The following GNB5 variants were observed in gnomAD, a reference collection of about 807,000 sequenced individuals.
The protein encoded by GNB5 is G protein subunit beta 5.
Under a neutral mutation model 55.3 loss-of-function variants are expected in GNB5, and 37 were observed. The ratio of observed to expected loss-of-function variants is 0.67; its 90% CI spans 0.51 to 0.88. The LOEUF (loss-of-function observed/expected upper bound fraction) is 0.88, where lower values mean the gene tolerates loss of function less well. GNB5 is among the 40% of genes least tolerant of loss of function. The probability of loss-of-function intolerance (pLI) is 0.00; values close to 1 mark genes in which losing one functional copy is unlikely to be tolerated. For missense variants in GNB5, 476 were observed against 515.3 expected, an observed-to-expected ratio of 0.92 and a Z score of 0.74; for synonymous variants, 219 against 198.5, an observed-to-expected ratio of 1.10 and a Z score of -0.87.
rs73402859 is a variant in GNB5 at position 52,125,858 on chromosome 15, G to A, written c.1009+90C>T. 7,673 of 663,704 alleles carry A rather than the reference G, an allele frequency of 0.012. 430 individuals are homozygous for A. In the African/African-American group the frequency reaches 0.12, roughly 10 times the overall value. The allele number at this position is 663,704 out of a possible 1,614,324, so 41.1% of individuals were successfully genotyped here. On this transcript the variant is annotated intron_variant, in intron 11 of 12. Transcript: ENST00000261837. ...ATACTGGTCCACAGGAAGCTCAGTT[G>A]ATGAAAAGGAACTGAGCGATGATGG...
rs138803101 is a variant in GNB5 at position 52,163,140 on chromosome 15, G to A, written c.239-9064C>T. Among the ~76,000 whole-genome samples the A allele has an allele frequency of 2.7e-3, 404 of 152,288 alleles. 3 individuals carry two copies. The highest frequency in any genetic ancestry group is 0.01 in the Middle Eastern group (3 of 294). On this transcript the variant is annotated intron_variant, in intron 3 of 12. Transcript: ENST00000261837. The stretch of plus-strand genomic sequence containing the variant: ...GGTGAGTGATTGTGAGACCACGCCC[G>A]GGAAACCACGCTTTTCCCACAGATC...
intron 3 of GNB5, among the ~76,000 whole-genome samples, chr15:52,154,931 T>G (rs1596082736): frequency 6.6e-6 from 1 of 152,140 alleles, no homozygotes. Context: ...AGGGCAGGCT[T>G]TCTAGGGGCT....
At chr15:52,157,534 G>A (rs577278454) in intron 3 of GNB5, among the ~76,000 whole-genome samples, 6 of 152,232 alleles carry the variant, frequency 3.9e-5, no homozygotes, top group African/African-American at 9.6e-5. Flanking sequence ...GTGAGCCACC[G>A]CGCCCAGCCA....
chr15:52,163,159 A>G (rs2034371378), intron 3 of GNB5, among the ~76,000 whole-genome samples: 1 of 152,230 alleles, frequency 6.6e-6, no homozygotes, highest in Non-Finnish European at 1.5e-5. Context: ...CGCTTTTCCC[A>G]CAGATCTTTG....
chr15:52,180,092 C>T, intron 2 of GNB5: 3 of 418,174 alleles, frequency 7.2e-6, no homozygotes, highest in Non-Finnish European at 1.1e-5. Flanking sequence ...GGTGCGATGT[C>T]CGCGTCAGCC....
At chr15:52,144,660 C>G (rs147669200) in intron 6 of GNB5, among the ~76,000 whole-genome samples, 1 of 152,218 alleles carries the variant, frequency 6.6e-6, no homozygotes, top group East Asian at 1.9e-4. Flanking sequence ...CATATCAGGT[C>G]TGATCTCCAG....
Position 52,121,760 on chromosome 15 carries a change from C to A in GNB5, c.*997G>T, listed in dbSNP as rs147515144. The A allele has an allele frequency of 6.6e-6, 1 of 152,010 alleles. No homozygotes were observed. Among genetic ancestry groups the A allele is most frequent in the Non-Finnish European group, 1.5e-5 (1 of 68,018 alleles). 9.4% of individuals were successfully genotyped at this position (152,010 alleles called of 1,614,324 possible). A position where few individuals can be genotyped will look rare whatever the true frequency, so the allele number is the denominator to read the frequency against. On this transcript the variant is annotated 3_prime_UTR_variant, in exon 13 of 13. Coordinates refer to ENST00000261837, the MANE Select transcript of GNB5 (RefSeq NM_016194.4). ...CTGGGACTACAGGCGCCCGCCACCA[C>A]GCCCGGCTAATTTTTTGTATTTTTT...
intron 5 of GNB5, among the ~76,000 whole-genome samples, chr15:52,147,924 A>G (rs1240548599): frequency 6.6e-6 from 1 of 152,218 alleles, no homozygotes; most frequent in African/African-American, 2.4e-5. Flanking sequence ...TAAAATCACC[A>G]GATGCCTACT....
At chr15:52,141,793 T>C (rs1241962703) in intron 6 of GNB5, among the ~76,000 whole-genome samples, 6 of 152,202 alleles carry the variant, frequency 3.9e-5, no homozygotes. Context: ...CATTCTCCTG[T>C]CTATCTACCA....
intron 4 of GNB5, 149 bp downstream of exon 4, chr15:52,153,791 A>T: frequency 3.2e-6 from 2 of 627,362 alleles, no homozygotes; most frequent in Non-Finnish European, 5.4e-6. Context: ...TATAATATGT[A>T]AGAGAGTTCT....
intron 9 of GNB5, among the ~76,000 whole-genome samples, chr15:52,130,085 G>C (rs931422916): frequency 1.3e-5 from 2 of 152,162 alleles, no homozygotes; most frequent in Non-Finnish European, 2.9e-5. Context: ...TAGGCCAGTG[G>C]GGGCAGGAGA....
rs374848387 is a variant in GNB5, at chr15:52,185,309, C to T, written c.-18-615G>A. 1.4e-4 allele frequency among the ~76,000 whole-genome samples: 22 copies of T among 152,350 alleles called. 1 individual carries two copies. The East Asian group carries it at 3.7e-3, about 25-fold the overall frequency. On this transcript the variant is annotated intron_variant, in intron 1 of 12. Coordinates refer to ENST00000261837, the MANE Select transcript of GNB5 (RefSeq NM_016194.4). ...GGGACAGGCTCTGGCTGCCTGGTCC[C>T]GGCCCACCACTGAGGCTAGTTAGCT...
intron 9 of GNB5, 33 bp from the exon 10 acceptor site, chr15:52,128,277 G>C: frequency 6.8e-7 from 1 of 1,476,718 alleles, no homozygotes; most frequent in Non-Finnish European, 9.5e-7. Flanking sequence ...CTACGGTTGT[G>C]ACTCCTGACC....
intron 1 of GNB5, among the ~76,000 whole-genome samples, chr15:52,188,101 G>A: frequency 6.6e-6 from 1 of 152,054 alleles, no homozygotes; most frequent in Admixed American, 6.6e-5. Context: ...ATATATGTGT[G>A]TACTTTTTAA....
chr15:52,165,784 A>G (rs1454754078), intron 3 of GNB5, among the ~76,000 whole-genome samples: 1 of 152,218 alleles, frequency 6.6e-6, no homozygotes, highest in Non-Finnish European at 1.5e-5. Context: ...ACCTACACAA[A>G]CAAGTCTGCA....
At position 52,115,215 on chromosome 15, in the gene GNB5, A is replaced by T. The variant is rs537219377; in HGVS notation, c.*7542T>A. The stretch of plus-strand genomic sequence containing the variant: ...TAGATTTGCAGTAGCTTTGGGGTAA[A>T]TGATAAATCCTCTGGAACTGCCATT... On this transcript the variant is annotated 3_prime_UTR_variant, in exon 13 of 13. Transcript: ENST00000261837. The T allele has an allele frequency of 6.6e-6, 1 of 152,246 alleles. No individual in the cohort carries two copies. The highest frequency in any genetic ancestry group is 6.5e-5 in the Admixed American group (1 of 15,290). The allele number at this position is 152,246 out of a possible 1,614,324, so 9.4% of individuals were successfully genotyped here.
chr15:52,188,198 T>G (rs1453628812), intron 1 of GNB5, among the ~76,000 whole-genome samples: 2 of 152,188 alleles, frequency 1.3e-5, no homozygotes, highest in Non-Finnish European at 2.9e-5. Flanking sequence ...ACACCATTTT[T>G]TAACGGAGAC....
intron 3 of GNB5, 100 bp downstream of exon 3, chr15:52,179,668 C>A: frequency 1.5e-6 from 1 of 680,940 alleles, no homozygotes; most frequent in East Asian, 4.3e-5. Context: ...GGGCCTGGCT[C>A]CCGTCGCAGC....
chr15:52,176,028 A>T (rs1054258245), intron 3 of GNB5, among the ~76,000 whole-genome samples: 2 of 152,074 alleles, frequency 1.3e-5, no homozygotes, highest in African/African-American at 4.8e-5. Context: ...CAGCCTGGGC[A>T]ACAGAGCCAG....
Sources: gnomAD v4.1 joint callset for allele counts (sites outside exome capture counted in the v4.1 genomes callset) on GRCh38, gnomAD v4.1.1 for gene constraint, MANE v1.5 for transcripts, NCBI Gene and HGNC (gene_info 2026-07-23, HGNC 2026-07-21) for gene names.